The following CSMD3 variants were observed in gnomAD, a reference collection of about 807,000 sequenced individuals.
CSMD3 encodes the protein CUB and sushi domain-containing protein 3.
In CSMD3, 177 loss-of-function variants were observed where a neutral mutation model predicts 435.2. That is an observed-to-expected ratio of 0.41 (90% CI 0.36 to 0.46). The LOEUF is 0.46. Among genes scored for constraint, CSMD3 ranks in the 20% least tolerant of loss-of-function variants. The pLI, the probability that CSMD3 is intolerant of heterozygous loss-of-function variation, is 0.34. For synonymous variants in CSMD3, 1,656 were observed against 1,520.5 expected (o/e 1.09, Z -2.07); for missense variants, 4,265 against 4,504.6 (o/e 0.95, Z 1.52).
chr8:113,238,074 C>CAA (rs34316809), intron 3 of CSMD3, among the ~76,000 whole-genome samples: 3,314 of 77,460 alleles, frequency 0.043, 61 homozygotes, highest in Non-Finnish European at 0.076. Context: ...GACTCCATCT[C>CAA]AAAAAAAAAA....
intron 6 of CSMD3, among the ~76,000 whole-genome samples, chr8:112,990,288 T>C (rs1196896740): frequency 1.3e-5 from 2 of 151,984 alleles, no homozygotes; most frequent in African/African-American, 4.8e-5. Flanking sequence ...TTGGACCTTC[T>C]ATGATAGTCA....
At chr8:112,734,713 CTTT>C (rs1157545051) in intron 13 of CSMD3, among the ~76,000 whole-genome samples, 1 of 151,714 alleles carries the variant, frequency 6.6e-6, no homozygotes, top group Non-Finnish European at 1.5e-5. Context: ...TGATTTTTTG[CTTT>C]TTATCTTTAA....
chr8:112,958,647 GC>G (rs2084120556), intron 7 of CSMD3, among the ~76,000 whole-genome samples: 1 of 152,124 alleles, frequency 6.6e-6, no homozygotes, highest in South Asian at 2.1e-4. Flanking sequence ...ATGTTAATCA[GC>G]TAAAGTCATT....
rs935250781 is a variant in CSMD3 at position 113,392,929 on chromosome 8, C to T, written c.178+43748G>A. Among the ~76,000 whole-genome samples the T allele has an allele frequency of 6.9e-5, 10 of 144,788 alleles. No individual in the cohort carries two copies. In the South Asian group the frequency reaches 2.3e-3, roughly 33 times the overall value. The allele number at this position is 144,788 out of a possible 152,430, so 95.0% of individuals were successfully genotyped here. A position where few individuals can be genotyped will look rare whatever the true frequency, so the allele number is the denominator to read the frequency against. ...TCCAATGCACACTAAATATACTCTTCTCTCTGCATGTGTCTATATATATAT... is the reference window on the plus strand; with the variant it reads ...TCCAATGCACACTAAATATACTCTTTTCTCTGCATGTGTCTATATATATAT... On this transcript the variant is annotated intron_variant, in intron 1 of 70. Transcript: ENST00000297405.
intron 38 of CSMD3, among the ~76,000 whole-genome samples, chr8:112,357,839 G>T (rs2131095432): frequency 6.6e-6 from 1 of 152,330 alleles, no homozygotes; most frequent in South Asian, 2.1e-4. Flanking sequence ...GAGAACATCT[G>T]ATAGGGTAGT....
At chr8:112,555,091 A>C (rs1449833729) in intron 25 of CSMD3, among the ~76,000 whole-genome samples, 2 of 151,966 alleles carry the variant, frequency 1.3e-5, no homozygotes, top group Middle Eastern at 3.2e-3. Context: ...ATCATCCATC[A>C]TTAGAATTTT....
At chr8:112,641,232 G>C (rs2074816501) in intron 20 of CSMD3, among the ~76,000 whole-genome samples, 1 of 152,128 alleles carries the variant, frequency 6.6e-6, no homozygotes, top group South Asian at 2.1e-4. Context: ...TGTTCATCAA[G>C]TCATGGATTA....
intron 3 of CSMD3, among the ~76,000 whole-genome samples, chr8:113,241,413 C>T (rs1380691444): frequency 2.0e-5 from 3 of 151,900 alleles, no homozygotes; most frequent in African/African-American, 7.3e-5. Context: ...AGAGAAATAA[C>T]AATAGCTATG....
chr8:112,517,316 T>A, intron 27 of CSMD3, 91 bp from the exon 28 acceptor site: 3 of 902,958 alleles, frequency 3.3e-6, no homozygotes, highest in Non-Finnish European at 5.2e-6. Context: ...ATTTTTAAAA[T>A]TTTGGGGTCA....
chr8:113,020,001 A>C (rs1310581897), intron 5 of CSMD3, among the ~76,000 whole-genome samples: 2 of 150,876 alleles, frequency 1.3e-5, no homozygotes, highest in Admixed American at 1.3e-4. Flanking sequence ...GTCTCTACTA[A>C]AAATACAAAA....
At chr8:113,253,929 G>GTTACAAGATT (rs1444535191) in intron 3 of CSMD3, among the ~76,000 whole-genome samples, 2 of 151,976 alleles carry the variant, frequency 1.3e-5, no homozygotes, top group Non-Finnish European at 2.9e-5. Context: ...CTAACATGTA[G>GTTACAAGATT]TTACAAGATT....
chr8:112,922,644 C>A (rs2082781456), intron 9 of CSMD3, among the ~76,000 whole-genome samples: 1 of 151,906 alleles, frequency 6.6e-6, no homozygotes, highest in Admixed American at 6.6e-5. Context: ...TCTTTCTGTG[C>A]CTGGCTCAAT....
chr8:113,389,380 C>A (rs1364877387), intron 1 of CSMD3, among the ~76,000 whole-genome samples: 1 of 151,574 alleles, frequency 6.6e-6, no homozygotes, highest in East Asian at 1.9e-4. Flanking sequence ...CCTCAGTTTG[C>A]TCTCTTTATT....
chr8:112,947,845 A>G lies in CSMD3; in HGVS notation c.1453T>C (p.Leu485=). 2 of 1,549,842 alleles carry G rather than the reference A, an allele frequency of 1.3e-6. No individual in the cohort carries two copies. Among genetic ancestry groups the G allele is most frequent in the Non-Finnish European group, 1.8e-6 (2 of 1,123,406 alleles). The change falls in exon 9 of 71, where the codon TTA becomes CTA. Residue 485 remains leucine (L), a synonymous_variant. Transcript: ENST00000297405. ...NEGGIKTASN[L]CPDPGEPENG... is the part of the protein sequence containing the mutation. The stretch of plus-strand genomic sequence containing the variant: ...TCTGGTTCTCCTGGATCTGGGCATA[A>G]ATTGGAAGCTGTTTTAATACCTCCC...
intron 4 of CSMD3, among the ~76,000 whole-genome samples, chr8:113,120,486 T>A (rs1455657572): frequency 1.3e-5 from 2 of 152,044 alleles, no homozygotes; most frequent in Admixed American, 6.6e-5. Flanking sequence ...ACAAAGAAAA[T>A]AAAAATTCTA....
intron 10 of CSMD3, among the ~76,000 whole-genome samples, chr8:112,898,494 A>G (rs2082013981): frequency 6.6e-6 from 1 of 151,360 alleles, no homozygotes; most frequent in African/African-American, 2.4e-5. Flanking sequence ...AATGGACGCT[A>G]TATTTAACTT....
At position 113,101,199 on chromosome 8, in the gene CSMD3, C is replaced by T. The variant is rs867998185; in HGVS notation, c.710-2236G>A. On this transcript the variant is annotated intron_variant, in intron 4 of 70. Transcript: ENST00000297405. Reference sequence around the variant, plus strand: ...ATTACTGTGGGTGACTGTGTCTCTCCAGCTGGCTGCTTACATTTCTGTCTC... The same window carrying T: ...ATTACTGTGGGTGACTGTGTCTCTCTAGCTGGCTGCTTACATTTCTGTCTC... Among the ~76,000 whole-genome samples the T allele has an allele frequency of 5.3e-5, 8 of 152,046 alleles. No individual in the cohort carries two copies. In the South Asian group the frequency reaches 1.7e-3, roughly 32 times the overall value.
intron 1 of CSMD3, among the ~76,000 whole-genome samples, chr8:113,361,087 T>C (rs2094272524): frequency 6.6e-6 from 1 of 152,166 alleles, no homozygotes; most frequent in African/African-American, 2.4e-5. Context: ...TAAGTAAAGA[T>C]TATGTAACAG....
At chr8:113,059,656 G>C (rs2088516464) in intron 5 of CSMD3, among the ~76,000 whole-genome samples, 1 of 152,306 alleles carries the variant, frequency 6.6e-6, no homozygotes, top group Admixed American at 6.5e-5. Context: ...TTGTATGTAA[G>C]ATGCAGATGT....
Sources: gnomAD v4.1 joint callset for allele counts (sites outside exome capture counted in the v4.1 genomes callset) on GRCh38, gnomAD v4.1.1 for gene constraint, MANE v1.5 for transcripts, NCBI Gene and HGNC (gene_info 2026-07-23, HGNC 2026-07-21) for gene names.